AMMECR1L: variants seen among roughly 807,000 people sequenced by gnomAD.
AMMECR1L encodes AMMECR1 like.
A neutral mutation model predicts 36.8 loss-of-function variants in AMMECR1L; 4 were observed. The ratio of observed to expected loss-of-function variants is 0.11; its 90% confidence interval spans 0.05 to 0.25. The LOEUF (loss-of-function observed/expected upper bound fraction) is 0.25, where lower values mean the gene tolerates loss of function less well. Ranked by LOEUF, AMMECR1L falls within the 10% of genes least tolerant of loss-of-function variation. AMMECR1L has a pLI of 1.00. For missense variants in AMMECR1L, 232 were observed against 392.1 expected, an observed-to-expected ratio of 0.59 and a Z score of 3.45; for synonymous variants, 147 against 148.0, an observed-to-expected ratio of 0.99 and a Z score of 0.05.
In AMMECR1L at chr2:127,871,199, T is replaced by G; in HGVS notation, c.518+50A>C. ...AGAAGAAATAAAGTCAGGCAGCTAT[T>G]TCTGATTCTAGCCAATTTATCTACA... On this transcript the variant is annotated intron_variant, in intron 4 of 7. Transcript: ENST00000272647. This position sits in a 1 kb window ranked among gnomAD's most constrained non-coding sequence, Gnocchi z 4.3. 6.3e-7 allele frequency: 1 copy of G among 1,581,838 alleles called. No individual in the cohort carries two copies. The highest frequency in any genetic ancestry group is 8.7e-7 in the Non-Finnish European group (1 of 1,152,526).
At chr2:127,866,535 C>T (rs976612820) in intron 7 of AMMECR1L, among the ~76,000 whole-genome samples, 10 of 152,200 alleles carry the variant, frequency 6.6e-5, no homozygotes, top group African/African-American at 2.4e-4. Context: ...TATCTCCTGC[C>T]GTCTGACTAC....
intron 2 of AMMECR1L, among the ~76,000 whole-genome samples, chr2:127,876,059 C>A (rs559644566): frequency 1.3e-5 from 2 of 151,864 alleles, no homozygotes; most frequent in South Asian, 4.2e-4. Context: ...CCCGCCCCCC[C>A]ACCCGCTGGC....
Position 127,874,800 on chromosome 2 carries a change from C to G in AMMECR1L, c.-38-528G>C, listed in dbSNP as rs1299602437. On this transcript the variant is annotated intron_variant, in intron 2 of 7. Transcript: ENST00000272647. This position sits in a 1 kb window ranked among gnomAD's most constrained non-coding sequence, Gnocchi z 5.2. ...CCCAAACCACAGCAAGGATGAAAAG[C>G]AGTTGGCTGTCACTCTGAAGAGGGC... 1.3e-5 allele frequency among the ~76,000 whole-genome samples: 2 copies of G among 152,214 alleles called. No individual in the cohort carries two copies. Among genetic ancestry groups the G allele is most frequent in the East Asian group, 3.8e-4 (2 of 5,200 alleles).
rs1690647642 is a variant in AMMECR1L, at chr2:127,865,540, C to T, written c.822-335G>A. 6.6e-6 allele frequency among the ~76,000 whole-genome samples: 1 copy of T among 152,214 alleles called. No individual in the cohort carries two copies. Among genetic ancestry groups the T allele is most frequent in the South Asian group, 2.1e-4 (1 of 4,834 alleles). ...TTTCAAGGTCAAATTACTCGGGTGG[C>T]AGATTGGAAGATGGCTGCACCAAAA... On this transcript the variant is annotated intron_variant, in intron 7 of 7. Transcript: ENST00000272647. The surrounding 1 kb of genome is among the most constrained non-coding windows in gnomAD (Gnocchi z 5.4).
Position 127,871,043 on chromosome 2 carries a change from C to A in AMMECR1L, c.519-115G>T, listed in dbSNP as rs1386346482. 2 of 929,362 alleles carry A rather than the reference C, an allele frequency of 2.2e-6. No homozygotes were observed. Among genetic ancestry groups the A allele is most frequent in the East Asian group, 2.6e-5 (1 of 37,918 alleles). The allele number at this position is 929,362 out of a possible 1,614,324, so 57.6% of individuals were successfully genotyped here. On this transcript the variant is annotated intron_variant, in intron 4 of 7. Transcript: ENST00000272647. This position sits in a 1 kb window ranked among gnomAD's most constrained non-coding sequence, Gnocchi z 4.3. ...AGCTATGCAGAGAGTATCTATTGTT[C>A]ATCAACACTAACATGTTAAAAACAA... is the stretch of plus-strand genomic sequence containing the variant.
In AMMECR1L at chr2:127,871,030, A is replaced by T. The variant is rs1365580123; in HGVS notation, c.519-102T>A. ...TTTATGAATCTTGAGCTATGCAGAG[A>T]GTATCTATTGTTCATCAACACTAAC... is the stretch of plus-strand genomic sequence containing the variant. On this transcript the variant is annotated intron_variant, in intron 4 of 7. Transcript: ENST00000272647. This position sits in a 1 kb window ranked among gnomAD's most constrained non-coding sequence, Gnocchi z 4.3. The T allele has an allele frequency of 1.2e-5, 12 of 985,592 alleles. No individual in the cohort carries two copies. Among genetic ancestry groups the T allele is most frequent in the Non-Finnish European group, 1.8e-5 (12 of 665,110 alleles). 61.1% of individuals were successfully genotyped at this position (985,592 alleles called of 1,614,324 possible). A position where few individuals can be genotyped will look rare whatever the true frequency, so the allele number is the denominator to read the frequency against.
Position 127,871,071 on chromosome 2 carries a change from C to T in AMMECR1L, c.519-143G>A, listed in dbSNP as rs939517452. Reference sequence around the variant, plus strand: ...CAACACTAACATGTTAAAAACAACTCGATGCTATTAACTGTCTGTACTTGA... The same window carrying T: ...CAACACTAACATGTTAAAAACAACTTGATGCTATTAACTGTCTGTACTTGA... On this transcript the variant is annotated intron_variant, in intron 4 of 7. Transcript: ENST00000272647. This position sits in a 1 kb window ranked among gnomAD's most constrained non-coding sequence, Gnocchi z 4.3. 1.6e-5 allele frequency: 14 copies of T among 898,596 alleles called. No individual in the cohort carries two copies. Among genetic ancestry groups the T allele is most frequent in the Non-Finnish European group, 1.7e-5 (10 of 592,982 alleles). The allele number at this position is 898,596 out of a possible 1,614,324, so 55.7% of individuals were successfully genotyped here.
chr2:127,874,362 G>T lies in AMMECR1L; in HGVS notation c.-38-90C>A. On this transcript the variant is annotated intron_variant, in intron 2 of 7. Coordinates refer to ENST00000272647, the MANE Select transcript of AMMECR1L (RefSeq NM_001199140.2). This position sits in a 1 kb window ranked among gnomAD's most constrained non-coding sequence, Gnocchi z 5.2. ...AAAGATAGAGAGTCTGCATTGACCA[G>T]CTAAGAGCTGTCAAATTCTTTCTCC... 8.1e-7 allele frequency: 1 copy of T among 1,233,002 alleles called. No individual in the cohort carries two copies. The allele number at this position is 1,233,002 out of a possible 1,614,324, so 76.4% of individuals were successfully genotyped here.
chr2:127,877,303 G>A (rs1691291548), intron 2 of AMMECR1L, among the ~76,000 whole-genome samples: 1 of 149,972 alleles, frequency 6.7e-6, no homozygotes, highest in African/African-American at 2.5e-5. Context: ...ACATTTTACA[G>A]CATCCACACT....
At chr2:127,875,817 C>T (rs1691211877) in intron 2 of AMMECR1L, among the ~76,000 whole-genome samples, 1 of 151,878 alleles carries the variant, frequency 6.6e-6, no homozygotes, top group Admixed American at 6.6e-5. Flanking sequence ...CTTTAAGAGA[C>T]AGGTCTCATT....
Position 127,873,470 on chromosome 2 carries a change from T to C in AMMECR1L, c.407+358A>G. ...CTGGCCCTCAGACTTCCAACTCACC[T>C]GGACTTCAACACTATGGGTGTCCCC... On this transcript the variant is annotated intron_variant, in intron 3 of 7. Coordinates refer to ENST00000272647, the MANE Select transcript of AMMECR1L (RefSeq NM_001199140.2). This position sits in a 1 kb window ranked among gnomAD's most constrained non-coding sequence, Gnocchi z 5.2. 1 of 985,460 alleles carries C rather than the reference T, an allele frequency of 1.0e-6. No individual in the cohort carries two copies. Among genetic ancestry groups the C allele is most frequent in the Non-Finnish European group, 1.2e-6 (1 of 829,934 alleles). 61.0% of individuals were successfully genotyped at this position (985,460 alleles called of 1,614,324 possible). A position where few individuals can be genotyped will look rare whatever the true frequency, so the allele number is the denominator to read the frequency against.
chr2:127,866,802 A>G, intron 7 of AMMECR1L, 98 bp downstream of exon 7: 3 of 1,155,068 alleles, frequency 2.6e-6, no homozygotes, highest in Non-Finnish European at 3.8e-6. Context: ...TGATTTAGGG[A>G]CATTCACAGA....
At chr2:127,870,265 G>T (rs1415251090) in intron 5 of AMMECR1L, among the ~76,000 whole-genome samples, 1 of 150,092 alleles carries the variant, frequency 6.7e-6, no homozygotes, top group Non-Finnish European at 1.5e-5. Flanking sequence ...AGTGAGCTGA[G>T]ATTGCACCAC....
At chr2:127,884,837 T>C (rs1275565699) in intron 1 of AMMECR1L, 2 of 152,056 alleles carry the variant, frequency 1.3e-5, no homozygotes, top group East Asian at 3.9e-4. Context: ...CTCGAAGAAA[T>C]CTCTTCCTGA....
chr2:127,870,525 A>G (rs1174890227), intron 5 of AMMECR1L, among the ~76,000 whole-genome samples: 1 of 152,048 alleles, frequency 6.6e-6, no homozygotes, highest in Non-Finnish European at 1.5e-5. Context: ...CTTGCCAAGA[A>G]GGATCTGGAA....
chr2:127,873,463 A>G lies in AMMECR1L; in HGVS notation c.407+365T>C, dbSNP rs114605731. On this transcript the variant is annotated intron_variant, in intron 3 of 7. Coordinates refer to ENST00000272647, the MANE Select transcript of AMMECR1L (RefSeq NM_001199140.2). This position sits in a 1 kb window ranked among gnomAD's most constrained non-coding sequence, Gnocchi z 5.2. ...CTCCAGCCTGGCCCTCAGACTTCCA[A>G]CTCACCTGGACTTCAACACTATGGG... is the stretch of plus-strand genomic sequence containing the variant. 1.0e-3 allele frequency: 1,008 copies of G among 985,380 alleles called. 4 individuals carry two copies. The African/African-American group carries it at 0.016, about 16-fold the overall frequency. 61.0% of individuals were successfully genotyped at this position (985,380 alleles called of 1,614,324 possible). A position where few individuals can be genotyped will look rare whatever the true frequency, so the allele number is the denominator to read the frequency against.
intron 2 of AMMECR1L, among the ~76,000 whole-genome samples, chr2:127,881,694 C>T (rs761071618): frequency 5.9e-5 from 9 of 152,222 alleles, no homozygotes; most frequent in Admixed American, 2.0e-4. Context: ...CCAATACTTC[C>T]CTACCCCACT....
At chr2:127,866,840 T>G (rs1477047675) in intron 7 of AMMECR1L, 60 bp downstream of exon 7, 3 of 1,473,476 alleles carry the variant, frequency 2.0e-6, no homozygotes, top group African/African-American at 1.4e-5. Flanking sequence ...CCCATCAAAA[T>G]TATCCTCCAT....
Position 127,874,965 on chromosome 2 carries a change from C to G in AMMECR1L, c.-38-693G>C, listed in dbSNP as rs1462455660. ...CCTTTCAAGACCCCATTCAGAAAAC[C>G]TGCAACCTAGCAGAAACCTTTATTC... On this transcript the variant is annotated intron_variant, in intron 2 of 7. Coordinates refer to ENST00000272647, the MANE Select transcript of AMMECR1L (RefSeq NM_001199140.2). This position sits in a 1 kb window ranked among gnomAD's most constrained non-coding sequence, Gnocchi z 5.2. Among the ~76,000 whole-genome samples, 1 of 152,160 alleles carries G rather than the reference C, an allele frequency of 6.6e-6. No homozygotes were observed. Among genetic ancestry groups the G allele is most frequent in the Non-Finnish European group, 1.5e-5 (1 of 68,030 alleles).
Sources: gnomAD v4.1 joint callset for allele counts (sites outside exome capture counted in the v4.1 genomes callset) on GRCh38, gnomAD v4.1.1 for gene constraint, Gnocchi (gnomAD v3.1) non-coding constraint, MANE v1.5 for transcripts, NCBI Gene and HGNC (gene_info 2026-07-23, HGNC 2026-07-21) for gene names.